DLG2: variants seen among roughly 807,000 people sequenced by gnomAD.
The protein encoded by DLG2 is disks large homolog 2.
A neutral mutation model predicts 132.5 loss-of-function variants in DLG2; 45 were observed. The ratio of observed to expected loss-of-function variants is 0.34; its 90% CI spans 0.27 to 0.44. The LOEUF (loss-of-function observed/expected upper bound fraction) is 0.44, where lower values mean the gene tolerates loss of function less well. Among genes scored for constraint, DLG2 ranks in the 20% least tolerant of loss-of-function variants. DLG2 has a pLI of 1.00. For missense variants in DLG2, 1,045 were observed against 1,196.9 expected (o/e 0.87, Z 1.87); for synonymous variants, 424 against 419.6 (o/e 1.01, Z -0.13).
At chr11:83,911,248 C>G (rs892527457) in intron 15 of DLG2, among the ~76,000 whole-genome samples, 2 of 152,078 alleles carry the variant, frequency 1.3e-5, no homozygotes, top group Admixed American at 6.6e-5. Flanking sequence ...TGACAATAGA[C>G]AGAACTGCCT....
intron 7 of DLG2, among the ~76,000 whole-genome samples, chr11:84,369,621 C>T (rs2098698108): frequency 6.6e-6 from 1 of 152,070 alleles, no homozygotes. Flanking sequence ...AGTAACTTGG[C>T]ACTTGGCTCT....
At chr11:84,521,712 G>T (rs539551451) in intron 7 of DLG2, among the ~76,000 whole-genome samples, 1 of 152,278 alleles carries the variant, frequency 6.6e-6, no homozygotes, top group South Asian at 2.1e-4. Context: ...ATGAGTAGCG[G>T]CAGCTCAGCT....
chr11:84,145,706 C>T (rs2095053296), intron 9 of DLG2, among the ~76,000 whole-genome samples: 1 of 152,042 alleles, frequency 6.6e-6, no homozygotes, highest in African/African-American at 2.4e-5. Flanking sequence ...GAAGACAGCA[C>T]TTGTTAATAA....
intron 11 of DLG2, among the ~76,000 whole-genome samples, chr11:84,052,218 A>G (rs1390284607): frequency 1.3e-5 from 2 of 151,964 alleles, no homozygotes; most frequent in Admixed American, 1.3e-4. Flanking sequence ...ACAAATTTAT[A>G]TAGAGCTAAA....
At chr11:83,842,816 C>CAA (rs1259239219) in intron 16 of DLG2, among the ~76,000 whole-genome samples, 144 of 68,406 alleles carry the variant, frequency 2.1e-3, no homozygotes, top group African/African-American at 6.1e-3. Flanking sequence ...ACTCTGTCTC[C>CAA]AAAAAAAAAA....
At chr11:84,566,354 T>C (rs2099455620) in intron 6 of DLG2, among the ~76,000 whole-genome samples, 1 of 152,192 alleles carries the variant, frequency 6.6e-6, no homozygotes, top group African/African-American at 2.4e-5. Context: ...CTATTGGTTT[T>C]AACTTTTAGT....
At chr11:85,558,932 AT>A (rs2077073533) in intron 3 of DLG2, among the ~76,000 whole-genome samples, 1 of 151,786 alleles carries the variant, frequency 6.6e-6, no homozygotes, top group South Asian at 2.1e-4. Flanking sequence ...TACCATCTGA[AT>A]CTAAAATATA....
chr11:85,353,566 T>C (rs1191485543), intron 3 of DLG2, among the ~76,000 whole-genome samples: 2 of 152,140 alleles, frequency 1.3e-5, no homozygotes, highest in Non-Finnish European at 2.9e-5. Context: ...CTATTCACAA[T>C]AGCAAAGACT....
chr11:85,268,947 T>C (rs1051866629), intron 4 of DLG2, among the ~76,000 whole-genome samples: 8 of 152,226 alleles, frequency 5.3e-5, no homozygotes, highest in Non-Finnish European at 1.0e-4. Flanking sequence ...TATGCTGCTA[T>C]TTCATGTGTG....
chr11:85,390,461 C>A (rs888118286), intron 3 of DLG2, among the ~76,000 whole-genome samples: 3 of 152,038 alleles, frequency 2.0e-5, no homozygotes, highest in African/African-American at 7.2e-5. Context: ...AGAAAGTCAA[C>A]AAAGAAAGAG....
chr11:83,581,526 C>T (rs1190111594), intron 19 of DLG2, among the ~76,000 whole-genome samples: 2 of 152,118 alleles, frequency 1.3e-5, no homozygotes. Context: ...GACATAAGAG[C>T]TGTCATACAC....
chr11:84,470,525 G>A (rs1403309484), intron 7 of DLG2, among the ~76,000 whole-genome samples: 2 of 151,716 alleles, frequency 1.3e-5, no homozygotes, highest in African/African-American at 4.8e-5. Flanking sequence ...TTTGCAGTCA[G>A]GGAAGACTTC....
chr11:85,236,141 T>G (rs1360631824), intron 4 of DLG2, among the ~76,000 whole-genome samples: 1 of 151,992 alleles, frequency 6.6e-6, no homozygotes, highest in African/African-American at 2.4e-5. Flanking sequence ...GGAAGATTAT[T>G]AATCTCACTT....
chr11:84,204,396 T>C (rs1024573564), intron 8 of DLG2, among the ~76,000 whole-genome samples: 3 of 152,164 alleles, frequency 2.0e-5, no homozygotes, highest in African/African-American at 7.2e-5. Context: ...TCATCTAAAC[T>C]GTAATAGGTT....
chr11:84,204,398 T>A (rs544768730), intron 8 of DLG2, among the ~76,000 whole-genome samples: 1 of 152,292 alleles, frequency 6.6e-6, no homozygotes, highest in East Asian at 1.9e-4. Context: ...ATCTAAACTG[T>A]AATAGGTTAA....
chr11:84,604,813 CT>C (rs1380448362), intron 6 of DLG2, among the ~76,000 whole-genome samples: 1 of 151,866 alleles, frequency 6.6e-6, no homozygotes, highest in Non-Finnish European at 1.5e-5. Flanking sequence ...TTGTGATAAT[CT>C]CTTCTAAATA....
intron 11 of DLG2, among the ~76,000 whole-genome samples, chr11:83,990,034 G>A (rs1038010770): frequency 1.1e-4 from 17 of 152,154 alleles, no homozygotes; most frequent in Non-Finnish European, 1.9e-4. Flanking sequence ...ACCCCAAAAC[G>A]CTGATTATAA....
intron 3 of DLG2, among the ~76,000 whole-genome samples, chr11:85,510,457 T>C (rs2094035285): frequency 6.6e-6 from 1 of 152,110 alleles, no homozygotes; most frequent in Admixed American, 6.5e-5. Context: ...GAGAAAATTC[T>C]TGCAACCTAC....
At chr11:83,916,099 T>C (rs927597578) in intron 15 of DLG2, among the ~76,000 whole-genome samples, 3 of 152,178 alleles carry the variant, frequency 2.0e-5, no homozygotes, top group Non-Finnish European at 4.4e-5. Flanking sequence ...TTAAATAATA[T>C]TCCATTGAAT....
Sources: allele counts gnomAD v4.1 joint callset (sites outside exome capture counted in the v4.1 genomes callset), GRCh38; gene constraint gnomAD v4.1.1; transcripts MANE v1.5; gene names NCBI Gene and HGNC (gene_info 2026-07-23, HGNC 2026-07-21).